Variants in NELL1 observed in about 807,000 individuals in gnomAD.
The protein encoded by NELL1 is protein kinase C-binding protein NELL1.
A neutral mutation model predicts 107.4 loss-of-function variants in NELL1; 76 were observed. The ratio of observed to expected loss-of-function variants is 0.71; its 90% CI spans 0.59 to 0.86. The LOEUF is 0.86. NELL1 is among the 40% of genes least tolerant of loss of function. The pLI is 0.00. For synonymous variants in NELL1, 353 were observed against 341.2 expected (o/e 1.03, Z -0.38); for missense variants, 1,024 against 1,005.5 (o/e 1.02, Z -0.25).
chr11:21,348,019 G>C (rs1314939843), intron 14 of NELL1, among the ~76,000 whole-genome samples: 1 of 152,200 alleles, frequency 6.6e-6, no homozygotes, highest in East Asian at 1.9e-4. Flanking sequence ...ACAAGGATAT[G>C]ACAGGACAAG....
chr11:21,475,178 A>G (rs1269418205), intron 15 of NELL1, among the ~76,000 whole-genome samples: 4 of 152,210 alleles, frequency 2.6e-5, no homozygotes, highest in Admixed American at 6.5e-5. Flanking sequence ...ATTGGTTATA[A>G]CACAACTTCC....
At chr11:21,494,259 AT>A (rs1854916039) in intron 15 of NELL1, among the ~76,000 whole-genome samples, 4 of 151,996 alleles carry the variant, frequency 2.6e-5, no homozygotes, top group Non-Finnish European at 5.9e-5. Context: ...TGTTTAATGT[AT>A]TATTCTTTCA....
chr11:20,863,400 CAGGCGGAGACG>C (rs1564939436), intron 4 of NELL1, among the ~76,000 whole-genome samples: 1 of 81,736 alleles, frequency 1.2e-5, no homozygotes. Context: ...GGGTGGCTGC[CAGGCGGAGACG>C]CTCCTCACTT....
At chr11:21,521,041 A>G (rs1017715875) in intron 15 of NELL1, among the ~76,000 whole-genome samples, 1 of 152,234 alleles carries the variant, frequency 6.6e-6, no homozygotes, top group African/African-American at 2.4e-5. Context: ...GACCAGATGT[A>G]GGGTAAAAAT....
intron 3 of NELL1, among the ~76,000 whole-genome samples, chr11:20,802,032 C>T (rs983312567): frequency 7.9e-5 from 12 of 152,054 alleles, no homozygotes; most frequent in Non-Finnish European, 1.6e-4. Context: ...CTCCAGTTTT[C>T]TTTTTGCTCA....
chr11:21,540,367 G>A (rs1342466013), intron 16 of NELL1, among the ~76,000 whole-genome samples: 2 of 151,998 alleles, frequency 1.3e-5, no homozygotes, highest in Admixed American at 6.6e-5. Flanking sequence ...CCAGTCGCTG[G>A]TATTGATCAT....
intron 15 of NELL1, among the ~76,000 whole-genome samples, chr11:21,534,057 T>A (rs974835640): frequency 3.9e-5 from 6 of 152,126 alleles, no homozygotes; most frequent in Non-Finnish European, 8.8e-5. Context: ...AAAAAAGTCA[T>A]ATACACCCAA....
intron 2 of NELL1, among the ~76,000 whole-genome samples, chr11:20,735,877 T>A (rs772214854): frequency 6.6e-6 from 1 of 152,028 alleles, no homozygotes; most frequent in East Asian, 1.9e-4. Flanking sequence ...TATTTGAAAG[T>A]GGGCAGGGGT....
intron 12 of NELL1, among the ~76,000 whole-genome samples, chr11:21,077,862 G>T (rs181193152): frequency 6.6e-6 from 1 of 152,094 alleles, no homozygotes; most frequent in East Asian, 1.9e-4. Flanking sequence ...GAAAGCAGAG[G>T]GAAAGAAAGA....
At chr11:20,795,160 G>A (rs1017472012) in intron 3 of NELL1, among the ~76,000 whole-genome samples, 25 of 152,202 alleles carry the variant, frequency 1.6e-4, no homozygotes, top group African/African-American at 4.3e-4. Context: ...TAGAACTCTT[G>A]GGAGTTTGTG....
intron 16 of NELL1, among the ~76,000 whole-genome samples, chr11:21,553,846 A>T (rs561479647): frequency 3.9e-5 from 6 of 152,024 alleles, no homozygotes; most frequent in South Asian, 2.1e-4. Context: ...GCAGCATAAA[A>T]TTAAAATACA....
At chr11:21,253,531 G>C (rs1858691300) in intron 14 of NELL1, among the ~76,000 whole-genome samples, 1 of 152,050 alleles carries the variant, frequency 6.6e-6, no homozygotes, top group Admixed American at 6.6e-5. Context: ...ACATACTAGA[G>C]CTCAGATTCA....
chr11:20,691,965 T>G (rs1854479605), intron 2 of NELL1, among the ~76,000 whole-genome samples: 1 of 152,190 alleles, frequency 6.6e-6, no homozygotes, highest in South Asian at 2.1e-4. Context: ...TTTCAGATCC[T>G]GTTATTGGTC....
chr11:20,888,969 G>A (rs2134112492), intron 5 of NELL1, among the ~76,000 whole-genome samples: 1 of 152,254 alleles, frequency 6.6e-6, no homozygotes, highest in African/African-American at 2.4e-5. Flanking sequence ...TATTTTCAAG[G>A]CTTTGTTTGC....
intron 14 of NELL1, among the ~76,000 whole-genome samples, chr11:21,322,330 G>T (rs1442538338): frequency 2.0e-5 from 3 of 152,066 alleles, no homozygotes; most frequent in African/African-American, 7.2e-5. Flanking sequence ...TGGCATCTAT[G>T]GTTCCTTCTA....
At chr11:20,677,357 G>T (rs1854083970) in intron 1 of NELL1, among the ~76,000 whole-genome samples, 1 of 152,116 alleles carries the variant, frequency 6.6e-6, no homozygotes, top group African/African-American at 2.4e-5. Flanking sequence ...TCTGAGGCAG[G>T]TGGATCAGGG....
chr11:21,475,304 C>G (rs1249584508), intron 15 of NELL1, among the ~76,000 whole-genome samples: 1 of 152,090 alleles, frequency 6.6e-6, no homozygotes, highest in Non-Finnish European at 1.5e-5. Flanking sequence ...TTGCACCCTG[C>G]TGAGAAAATG....
At chr11:21,037,823 A>G (rs1853133692) in intron 12 of NELL1, among the ~76,000 whole-genome samples, 2 of 152,072 alleles carry the variant, frequency 1.3e-5, no homozygotes, top group South Asian at 4.2e-4. Context: ...ATTTTATCCA[A>G]CATTACTGTT....
chr11:21,242,447 G>A (rs1436815288), intron 14 of NELL1, among the ~76,000 whole-genome samples: 5 of 152,078 alleles, frequency 3.3e-5, no homozygotes, highest in African/African-American at 7.2e-5. Context: ...TGGCCACACC[G>A]AACAATAAAA....
Sources: gnomAD v4.1 joint callset for allele counts (sites outside exome capture counted in the v4.1 genomes callset) on GRCh38, gnomAD v4.1.1 for gene constraint, MANE v1.5 for transcripts, NCBI Gene and HGNC (gene_info 2026-07-23, HGNC 2026-07-21) for gene names.